Variants in UBOX5 observed in about 807,000 individuals in gnomAD.
UBOX5 encodes the protein RING finger protein 37.
Under a neutral mutation model 39.0 loss-of-function variants are expected in UBOX5, and 28 were observed. The ratio of observed to expected loss-of-function variants is 0.72; its 90% confidence interval spans 0.53 to 0.98. The LOEUF (loss-of-function observed/expected upper bound fraction) is 0.98, where lower values mean the gene tolerates loss of function less well. Among genes scored for constraint, UBOX5 ranks in the 50% least tolerant of loss-of-function variants. The probability of loss-of-function intolerance (pLI) is 0.00; values close to 1 mark genes in which losing one functional copy is unlikely to be tolerated. For synonymous variants in UBOX5, 283 were observed against 275.5 expected, an observed-to-expected ratio of 1.03 and a Z score of -0.27; for missense variants, 585 against 674.4, an observed-to-expected ratio of 0.87 and a Z score of 1.47.
At chr20:3,133,646 G>T (rs2066446414) in intron 1 of UBOX5, among the ~76,000 whole-genome samples, 1 of 151,724 alleles carries the variant, frequency 6.6e-6, no homozygotes, top group Non-Finnish European at 1.5e-5. Flanking sequence ...GTTTGCTTCT[G>T]ATTTCAGTGT....
rs116703534 is a variant in UBOX5 at position 3,147,732 on chromosome 20, C to T, written c.-42+12034G>A. On this transcript the variant is annotated intron_variant, in intron 1 of 4. Coordinates refer to ENST00000217173, the MANE Select transcript of UBOX5 (RefSeq NM_014948.4). ...ATCAGGCTGGAGTAAAATTCTTCTG[C>T]ATTGGGTGGCTTATAATTCAGAGTT... 414 of 1,614,230 alleles carry T rather than the reference C, an allele frequency of 2.6e-4. No individual in the cohort carries two copies. Among genetic ancestry groups the T allele is most frequent in the Non-Finnish European group, 3.3e-4 (389 of 1,180,054 alleles).
Position 3,110,039 on chromosome 20 carries a change from G to T in UBOX5, c.*67C>A. The T allele has an allele frequency of 6.3e-7, 1 of 1,584,252 alleles. No homozygotes were observed. The highest frequency in any genetic ancestry group is 8.6e-7 in the Non-Finnish European group (1 of 1,166,648). ...GGCCTGGCCAGACCTCAGGGGTGCT[G>T]TGGCCCTGCTCCTGTTCCCCCTCAG... On this transcript the variant is annotated 3_prime_UTR_variant, in exon 5 of 5. Coordinates refer to ENST00000217173, the MANE Select transcript of UBOX5 (RefSeq NM_014948.4).
intron 4 of UBOX5, among the ~76,000 whole-genome samples, chr20:3,114,003 G>A (rs1210069090): frequency 5.9e-5 from 9 of 152,126 alleles, no homozygotes; most frequent in Admixed American, 1.3e-4. Context: ...GCGTGGTGGC[G>A]GGTGCCTGTA....
intron 1 of UBOX5, among the ~76,000 whole-genome samples, chr20:3,133,756 T>TGGC (rs1555762468): frequency 6.8e-6 from 1 of 147,812 alleles, no homozygotes; most frequent in African/African-American, 2.5e-5. Context: ...TTATTTTTTT[T>TGGC]GGGGGGGGGA....
intron 1 of UBOX5, among the ~76,000 whole-genome samples, chr20:3,126,511 T>TAAAAAAAAAAA (rs555965336): frequency 8.1e-5 from 4 of 49,596 alleles, no homozygotes; most frequent in South Asian, 5.6e-4. Context: ...CAATAAATAC[T>TAAAAAAAAAAA]AAAAAAAAAA....
At chr20:3,123,069 A>AT (rs2066351005) in intron 2 of UBOX5, among the ~76,000 whole-genome samples, 1 of 152,208 alleles carries the variant, frequency 6.6e-6, no homozygotes, top group African/African-American at 2.4e-5. Flanking sequence ...TGATCATCAA[A>AT]GAACAAAGAG....
intron 1 of UBOX5, among the ~76,000 whole-genome samples, chr20:3,153,997 G>A (rs1600421974): frequency 6.6e-6 from 1 of 152,140 alleles, no homozygotes; most frequent in East Asian, 1.9e-4. Flanking sequence ...CTTTAAAAAA[G>A]AACAAAGAGA....
At position 3,110,088 on chromosome 20, in the gene UBOX5, C is replaced by T. The variant is rs1028322384; in HGVS notation, c.*18G>A. ...AGCTCCTCCCAGCAATGGGTCTCCTCCAGTGGAGGTCAGTCACTCAGAAGT... is the reference window on the plus strand; with the variant it reads ...AGCTCCTCCCAGCAATGGGTCTCCTTCAGTGGAGGTCAGTCACTCAGAAGT... On this transcript the variant is annotated 3_prime_UTR_variant, in exon 5 of 5. Coordinates refer to ENST00000217173, the MANE Select transcript of UBOX5 (RefSeq NM_014948.4). 1.2e-6 allele frequency: 2 copies of T among 1,609,210 alleles called. No individual in the cohort carries two copies. The highest frequency in any genetic ancestry group is 1.7e-6 in the Non-Finnish European group (2 of 1,179,980).
At chr20:3,154,662 A>C (rs1244177828) in intron 1 of UBOX5, among the ~76,000 whole-genome samples, 11 of 152,214 alleles carry the variant, frequency 7.2e-5, no homozygotes, top group Non-Finnish European at 1.3e-4. Flanking sequence ...TGACAGAGAG[A>C]GACCCTATCT....
chr20:3,135,332 G>A (rs1350512656), intron 1 of UBOX5, among the ~76,000 whole-genome samples: 1 of 152,128 alleles, frequency 6.6e-6, no homozygotes, highest in Non-Finnish European at 1.5e-5. Context: ...CAGGAGCCAA[G>A]AGGTGAGAAC....
chr20:3,122,635 G>T (rs1469076350), intron 2 of UBOX5, 51 bp from the exon 3 acceptor site: 1 of 1,511,718 alleles, frequency 6.6e-7, no homozygotes, highest in African/African-American at 1.4e-5. Flanking sequence ...AAGACAACTT[G>T]TCACTTGTAA....
intron 1 of UBOX5, among the ~76,000 whole-genome samples, chr20:3,134,315 AT>A (rs962491968): frequency 9.9e-5 from 15 of 152,048 alleles, no homozygotes; most frequent in African/African-American, 3.4e-4. Flanking sequence ...CCTATTACTT[AT>A]GTTGTTTAAA....
At chr20:3,158,562 C>T (rs1398645719) in intron 1 of UBOX5, among the ~76,000 whole-genome samples, 1 of 152,206 alleles carries the variant, frequency 6.6e-6, no homozygotes, top group East Asian at 1.9e-4. Context: ...CACACTCCGC[C>T]TCCCGGGGTT....
chr20:3,115,909 G>A (rs2066290437), intron 3 of UBOX5, among the ~76,000 whole-genome samples: 2 of 152,034 alleles, frequency 1.3e-5, no homozygotes, highest in African/African-American at 2.4e-5. Context: ...GACTACAGGT[G>A]TGCGCCACCA....
Position 3,121,634 on chromosome 20 carries a change from G to T in UBOX5, c.1005C>A (p.His335Gln). 1 of 1,611,818 alleles carries T rather than the reference G, an allele frequency of 6.2e-7. No individual in the cohort carries two copies. Among genetic ancestry groups the T allele is most frequent in the Non-Finnish European group, 8.5e-7 (1 of 1,179,002 alleles). ...CAAGCAGGTGGCAGCCAGGGATGGA[G>T]TGCTGGAGCAGGAAATGGTCAATCC... ...KARIDHFLLQ[H>Q]SIPGCHLLGR... The change falls in exon 3 of 5, where the codon CAC becomes CAA. Residue 335 changes from histidine (H) to glutamine (Q), a missense_variant. Physicochemically the swap from His to Gln is conservative, Grantham distance 24. Coordinates refer to ENST00000217173, the MANE Select transcript of UBOX5 (RefSeq NM_014948.4).
In UBOX5 at chr20:3,121,454, G is replaced by T. The variant is rs1054249320; in HGVS notation, c.1185C>A (p.Thr395=). The T allele has an allele frequency of 1.9e-6, 3 of 1,613,946 alleles. No individual in the cohort carries two copies. In the African/African-American group the frequency reaches 4.0e-5, roughly 22 times the overall value. ...SATSPLVLPT[T]SEHTAKKMKA... is the part of the protein sequence containing the mutation. ...TCATTTTCTTAGCAGTGTGCTCTGA[G>T]GTAGTGGGTAAGACCAAAGGGCTTG... is the stretch of plus-strand genomic sequence containing the variant. The change falls in exon 3 of 5, where the codon ACC becomes ACA. Residue 395 remains threonine (T), a synonymous_variant. Coordinates refer to ENST00000217173, the MANE Select transcript of UBOX5 (RefSeq NM_014948.4).
chr20:3,145,919 G>A (rs933388311), intron 1 of UBOX5, among the ~76,000 whole-genome samples: 2 of 151,982 alleles, frequency 1.3e-5, no homozygotes, highest in Non-Finnish European at 2.9e-5. Flanking sequence ...GGTGGTGGGC[G>A]CCTGTAACCC....
At chr20:3,123,068 A>ATTG (rs2066350965) in intron 2 of UBOX5, among the ~76,000 whole-genome samples, 1 of 152,196 alleles carries the variant, frequency 6.6e-6, no homozygotes, top group African/African-American at 2.4e-5. Flanking sequence ...TTGATCATCA[A>ATTG]AGAACAAAGA....
intron 1 of UBOX5, among the ~76,000 whole-genome samples, chr20:3,126,726 G>C (rs1286468748): frequency 6.6e-6 from 1 of 151,572 alleles, no homozygotes; most frequent in Non-Finnish European, 1.5e-5. Flanking sequence ...AAATATTAGG[G>C]TTGGAAAGCA....
Sources: gnomAD v4.1 joint callset for allele counts (sites outside exome capture counted in the v4.1 genomes callset) on GRCh38, gnomAD v4.1.1 for gene constraint, MANE v1.5 for transcripts, NCBI Gene and HGNC (gene_info 2026-07-23, HGNC 2026-07-21) for gene names.